The following POU6F2 variants were observed in gnomAD, a reference collection of about 807,000 sequenced individuals.
POU6F2 encodes POU domain, class 6, transcription factor 2.
In POU6F2, 31 loss-of-function variants were observed where a neutral mutation model predicts 71.3. The observed-to-expected ratio is 0.43, with a 90% CI of 0.33 to 0.59. The LOEUF is 0.59. Ranked by LOEUF, POU6F2 falls within the 20% of genes least tolerant of loss-of-function variation. POU6F2 has a pLI of 0.04. For synonymous variants in POU6F2, 347 were observed against 355.7 expected, an observed-to-expected ratio of 0.98 and a Z score of 0.27; for missense variants, 783 against 856.8, an observed-to-expected ratio of 0.91 and a Z score of 1.07.
chr7:39,160,699 GA>G lies in POU6F2; in HGVS notation c.278-43535del, dbSNP rs1204269105. 7.2e-5 allele frequency among the ~76,000 whole-genome samples: 11 copies of G among 152,062 alleles called. 1 individual carries two copies. The highest frequency in any genetic ancestry group is 2.7e-4 in the African/African-American group (11 of 41,410). ...CAGCCTATTTCATGAAGACTTTGTT[GA>G]TTAATTCTTTGGGATTAACTTGCCT... On this transcript the variant is annotated intron_variant, in intron 2 of 9. Transcript: ENST00000518318.
chr7:39,367,597 G>C (rs949178387), intron 5 of POU6F2, among the ~76,000 whole-genome samples: 3 of 152,162 alleles, frequency 2.0e-5, no homozygotes, highest in Non-Finnish European at 4.4e-5. Context: ...TCTTCTATTT[G>C]TATCTTGCCT....
chr7:39,298,578 A>C (rs1038883103), intron 4 of POU6F2, among the ~76,000 whole-genome samples: 1 of 152,218 alleles, frequency 6.6e-6, no homozygotes, highest in African/African-American at 2.4e-5. Context: ...TAGTTCAACC[A>C]CTGTGGAAGA....
intron 2 of POU6F2, among the ~76,000 whole-genome samples, chr7:39,200,290 G>T (rs993835727): frequency 1.3e-5 from 2 of 152,176 alleles, no homozygotes; most frequent in Non-Finnish European, 2.9e-5. Flanking sequence ...CGTGAGCTAC[G>T]CTTTAGATGC....
At chr7:39,173,042 TAA>T (rs1793256820) in intron 2 of POU6F2, among the ~76,000 whole-genome samples, 2 of 152,050 alleles carry the variant, frequency 1.3e-5, no homozygotes, top group African/African-American at 4.8e-5. Flanking sequence ...ATGTAAAAAG[TAA>T]AAGAGGAAAC....
At chr7:39,051,153 T>C (rs1302763366) in intron 1 of POU6F2, among the ~76,000 whole-genome samples, 4 of 111,600 alleles carry the variant, frequency 3.6e-5, no homozygotes, top group Admixed American at 2.8e-4. Flanking sequence ...AAGACAGAAT[T>C]AAATATTTTT....
intron 4 of POU6F2, among the ~76,000 whole-genome samples, chr7:39,273,865 A>T (rs1316791310): frequency 6.6e-6 from 1 of 152,198 alleles, no homozygotes; most frequent in Non-Finnish European, 1.5e-5. Flanking sequence ...TGATAAAACC[A>T]TGAAAAATGT....
intron 4 of POU6F2, among the ~76,000 whole-genome samples, chr7:39,305,044 G>A (rs62455902): frequency 0.45 from 69,200 of 152,110 alleles, 16,569 homozygotes; most frequent in Admixed American, 0.59. Context: ...CAAACTTTCT[G>A]CAATTATGTA....
chr7:39,228,339 T>G (rs1794511090), intron 4 of POU6F2, among the ~76,000 whole-genome samples: 1 of 152,220 alleles, frequency 6.6e-6, no homozygotes, highest in Non-Finnish European at 1.5e-5. Context: ...GAGGATGGCC[T>G]ATTGACGCCA....
At chr7:39,277,466 C>A (rs1237573242) in intron 4 of POU6F2, among the ~76,000 whole-genome samples, 1 of 152,066 alleles carries the variant, frequency 6.6e-6, no homozygotes, top group African/African-American at 2.4e-5. Flanking sequence ...CACGTGTACC[C>A]AGGAGTTAAC....
At chr7:39,394,143 C>T (rs1787129140) in intron 5 of POU6F2, among the ~76,000 whole-genome samples, 1 of 152,364 alleles carries the variant, frequency 6.6e-6, no homozygotes, top group East Asian at 1.9e-4. Context: ...TAATTTTTAA[C>T]ATTATCCTTT....
intron 5 of POU6F2, among the ~76,000 whole-genome samples, chr7:39,364,925 A>G (rs1314817713): frequency 1.3e-5 from 2 of 152,162 alleles, no homozygotes; most frequent in Admixed American, 1.3e-4. Context: ...CCATGCCAAC[A>G]TCTATTTTTT....
chr7:39,348,503 T>G (rs893860375), intron 5 of POU6F2, among the ~76,000 whole-genome samples: 7 of 152,196 alleles, frequency 4.6e-5, no homozygotes, highest in African/African-American at 1.7e-4. Flanking sequence ...AAAATTGCCT[T>G]CATTCCAACC....
chr7:39,193,364 A>G (rs1200145733), intron 2 of POU6F2, among the ~76,000 whole-genome samples: 2 of 152,206 alleles, frequency 1.3e-5, no homozygotes, highest in African/African-American at 4.8e-5. Flanking sequence ...CTGGGAATGT[A>G]GAGTGCTCTG....
At chr7:39,020,930 G>A (rs951672481) in intron 1 of POU6F2, among the ~76,000 whole-genome samples, 9 of 151,514 alleles carry the variant, frequency 5.9e-5, no homozygotes, top group African/African-American at 2.2e-4. Context: ...TTTGCCTATT[G>A]TATCTTCCAG....
At chr7:39,174,473 T>C (rs962062679) in intron 2 of POU6F2, among the ~76,000 whole-genome samples, 1 of 152,202 alleles carries the variant, frequency 6.6e-6, no homozygotes, top group African/African-American at 2.4e-5. Flanking sequence ...ATTGTATTCA[T>C]ATATTACTGT....
chr7:39,214,490 G>A (rs1394995029), intron 4 of POU6F2, among the ~76,000 whole-genome samples: 1 of 152,188 alleles, frequency 6.6e-6, no homozygotes, highest in Non-Finnish European at 1.5e-5. Flanking sequence ...GCCATCGAGG[G>A]CAAGGTCAGC....
At chr7:38,986,888 A>G in intron 1 of POU6F2, among the ~76,000 whole-genome samples, 1 of 152,174 alleles carries the variant, frequency 6.6e-6, no homozygotes, top group Non-Finnish European at 1.5e-5. Flanking sequence ...ACTTTTACAT[A>G]TAAAAAATAT....
chr7:39,312,798 G>A (rs371805829), intron 4 of POU6F2, among the ~76,000 whole-genome samples: 4 of 152,194 alleles, frequency 2.6e-5, no homozygotes, highest in South Asian at 2.1e-4. Flanking sequence ...ACTAACAGGT[G>A]GGGAGTGGGT....
At chr7:39,198,811 C>A (rs1793837687) in intron 2 of POU6F2, among the ~76,000 whole-genome samples, 1 of 152,092 alleles carries the variant, frequency 6.6e-6, no homozygotes, top group Non-Finnish European at 1.5e-5. Flanking sequence ...TTATAGACAC[C>A]TCCACTCCCT....
Sources: gnomAD v4.1 joint callset for allele counts (sites outside exome capture counted in the v4.1 genomes callset) on GRCh38, gnomAD v4.1.1 for gene constraint, MANE v1.5 for transcripts, NCBI Gene and HGNC (gene_info 2026-07-23, HGNC 2026-07-21) for gene names.